The following MED13 variants were observed in gnomAD, a reference collection of about 807,000 sequenced individuals.
The protein encoded by MED13 is mediator complex subunit 13, also known as mediator of RNA polymerase II transcription subunit 13.
MED13 carries 23 observed loss-of-function variants against 225.2 expected under a neutral mutation model. That is an observed-to-expected ratio of 0.10 (90% CI 0.07 to 0.14). MED13 has a LOEUF of 0.14. Ranked by LOEUF, MED13 falls within the 10% of genes least tolerant of loss-of-function variation. The pLI, the probability that MED13 is intolerant of heterozygous loss-of-function variation, is 1.00. For synonymous variants in MED13, 942 were observed against 889.2 expected (o/e 1.06, Z -1.06); for missense variants, 2,197 against 2,594.5 (o/e 0.85, Z 3.33).
intron 5 of MED13, 94 bp from the exon 6 acceptor site, chr17:62,031,732 A>C: frequency 3.2e-6 from 2 of 616,262 alleles, no homozygotes; most frequent in Non-Finnish European, 4.9e-6. Context: ...AGTAGGTATC[A>C]CATTTATACA....
intron 9 of MED13, chr17:62,006,462 T>C (rs2080449866): frequency 6.6e-6 from 1 of 152,198 alleles, no homozygotes; most frequent in Admixed American, 6.5e-5. Flanking sequence ...TAGGAATGGT[T>C]GCCTTCCCTT....
chr17:61,973,808 C>G (rs1313092645), intron 16 of MED13, among the ~76,000 whole-genome samples: 2 of 151,958 alleles, frequency 1.3e-5, no homozygotes, highest in Non-Finnish European at 2.9e-5. Context: ...ACAGTGAAAC[C>G]CTGTCTCTAC....
chr17:61,975,678 C>T (rs2080149064), intron 16 of MED13, among the ~76,000 whole-genome samples: 1 of 151,952 alleles, frequency 6.6e-6, no homozygotes, highest in African/African-American at 2.4e-5. Flanking sequence ...AAGATCGTAC[C>T]CCACTGCACT....
At position 62,032,041 on chromosome 17, in the gene MED13, C is replaced by CT. The variant is rs2080762027; in HGVS notation, c.815-404dup. 2.6e-5 allele frequency among the ~76,000 whole-genome samples: 4 copies of CT among 151,912 alleles called. No individual in the cohort carries two copies. In the South Asian group the frequency reaches 8.3e-4, roughly 32 times the overall value. Reference sequence around the variant, plus strand: ...AGAATTATGAACCATTTTCTACTTACTTTTCTATATGCCTCTATTTTAAAA... The same window carrying CT: ...AGAATTATGAACCATTTTCTACTTACTTTTTCTATATGCCTCTATTTTAAAA... On this transcript the variant is annotated intron_variant, in intron 5 of 29. Transcript: ENST00000397786.
chr17:61,957,516 A>G (rs2079957506), intron 23 of MED13, among the ~76,000 whole-genome samples: 1 of 151,424 alleles, frequency 6.6e-6, no homozygotes, highest in Non-Finnish European at 1.5e-5. Flanking sequence ...CACCCGGCTA[A>G]TTTTTGTATT....
At chr17:61,947,597 G>A (rs903860715) in intron 28 of MED13, among the ~76,000 whole-genome samples, 17 of 152,144 alleles carry the variant, frequency 1.1e-4, no homozygotes, top group African/African-American at 3.6e-4. Context: ...ACAGGAATAA[G>A]CATAAGCAAA....
chr17:62,058,632 A>C (rs909450150), intron 2 of MED13, among the ~76,000 whole-genome samples: 1 of 152,150 alleles, frequency 6.6e-6, no homozygotes, highest in Admixed American at 6.5e-5. Context: ...GATTCAACTA[A>C]TCATTATCCT....
chr17:62,038,717 G>A (rs1380501380), intron 3 of MED13, among the ~76,000 whole-genome samples: 1 of 152,102 alleles, frequency 6.6e-6, no homozygotes, highest in South Asian at 2.1e-4. Flanking sequence ...TCACTGGAGT[G>A]CAGTGATACA....
intron 4 of MED13, 57 bp downstream of exon 4, chr17:62,035,406 G>A (rs540163322): frequency 1.4e-6 from 2 of 1,383,242 alleles, no homozygotes; most frequent in African/African-American, 1.5e-5. Context: ...AAATTATGAA[G>A]TCAAATAAGG....
rs755335674 is a variant in MED13 at position 62,062,600 on chromosome 17, C to A, written c.301+467G>T. On this transcript the variant is annotated intron_variant, in intron 2 of 29. Coordinates refer to ENST00000397786, the MANE Select transcript of MED13 (RefSeq NM_005121.3). ...TAAAACACACACACACACACACACA[C>A]CACACACACACACACACACACACAC... 1.2e-3 allele frequency among the ~76,000 whole-genome samples: 169 copies of A among 136,292 alleles called. 1 individual carries two copies. Among genetic ancestry groups the A allele is most frequent in the African/African-American group, 1.5e-3 (49 of 33,602 alleles). 89.4% of individuals were successfully genotyped at this position (136,292 alleles called of 152,430 possible).
intron 3 of MED13, among the ~76,000 whole-genome samples, chr17:62,047,510 C>A (rs1415573552): frequency 6.6e-6 from 1 of 152,044 alleles, no homozygotes; most frequent in Non-Finnish European, 1.5e-5. Context: ...ACAGTGAGAA[C>A]ACATGGACAC....
At chr17:62,009,169 A>G (rs2080482914) in intron 9 of MED13, among the ~76,000 whole-genome samples, 1 of 152,180 alleles carries the variant, frequency 6.6e-6, no homozygotes, top group Non-Finnish European at 1.5e-5. Flanking sequence ...GTTGATTTTC[A>G]CCTTTTAGAA....
Position 61,966,556 on chromosome 17 carries a change from C to T in MED13, c.4287G>A (p.Lys1429=), listed in dbSNP as rs1178939458. 1 of 1,613,958 alleles carries T rather than the reference C, an allele frequency of 6.2e-7. No homozygotes were observed. The highest frequency in any genetic ancestry group is 1.7e-5 in the Admixed American group (1 of 60,002). Residue 1429 remains lysine, a synonymous_variant, in exon 19 of 30, where the codon AAG becomes AAA. Coordinates refer to ENST00000397786, the MANE Select transcript of MED13 (RefSeq NM_005121.3). The part of the protein sequence containing the change: ...GSTASKKLSE[K]LVAEWFSQAA... ...CCTGAGAAAACCATTCTGCTACCAA[C>T]TTTTCTGATAGTTTCTTTGATGCAG...
chr17:61,954,459 T>C (rs1292331215), intron 26 of MED13, among the ~76,000 whole-genome samples: 1 of 152,176 alleles, frequency 6.6e-6, no homozygotes, highest in Non-Finnish European at 1.5e-5. Flanking sequence ...ACAAATATTT[T>C]GTGACCAACT....
intron 23 of MED13, 54 bp from the exon 24 acceptor site, chr17:61,956,535 T>C: frequency 6.5e-7 from 1 of 1,546,608 alleles, no homozygotes; most frequent in Non-Finnish European, 8.8e-7. Context: ...TATATGATTT[T>C]GCTGTTGTTG....
chr17:61,966,168 G>C (rs569187399), intron 19 of MED13, among the ~76,000 whole-genome samples: 22 of 152,282 alleles, frequency 1.4e-4, no homozygotes, highest in African/African-American at 5.1e-4. Flanking sequence ...AGACCCTACA[G>C]AGGCAACAGA....
At chr17:61,970,791 G>T (rs2080101580) in intron 17 of MED13, among the ~76,000 whole-genome samples, 1 of 147,864 alleles carries the variant, frequency 6.8e-6, no homozygotes, top group Middle Eastern at 3.2e-3. Flanking sequence ...TTGGGAGGGT[G>T]AGTTGGGCAG....
Position 62,008,016 on chromosome 17 carries a change from C to CAAAAAAAAAAAAAAAAAA in MED13, c.1967+2516_1967+2533dup, listed in dbSNP as rs60236710. Among the ~76,000 whole-genome samples, 65 of 50,504 alleles carry CAAAAAAAAAAAAAAAAAA rather than the reference C, an allele frequency of 1.3e-3. 6 individuals are homozygous for CAAAAAAAAAAAAAAAAAA. The highest frequency in any genetic ancestry group is 4.2e-3 in the African/African-American group (62 of 14,692). The allele number at this position is 50,504 out of a possible 152,430, so 33.1% of individuals were successfully genotyped here. On this transcript the variant is annotated intron_variant, in intron 9 of 29. Coordinates refer to ENST00000397786, the MANE Select transcript of MED13 (RefSeq NM_005121.3). Reference sequence around the variant, plus strand: ...CCTGGAGGAAAGAGCGAGACTGTCTCAAAAAAAAAAAAAAAAAAAAGCTGT... The same window carrying CAAAAAAAAAAAAAAAAAA: ...CCTGGAGGAAAGAGCGAGACTGTCTCAAAAAAAAAAAAAAAAAAAAAAAAAAAAAAAAAAAAAAGCTGT...
chr17:62,029,575 C>G lies in MED13; in HGVS notation c.1249G>C (p.Glu417Gln), dbSNP rs1199995033. The G allele has an allele frequency of 6.2e-7, 1 of 1,614,142 alleles. No individual in the cohort carries two copies. The highest frequency in any genetic ancestry group is 8.5e-7 in the Non-Finnish European group (1 of 1,180,012). The change falls in exon 8 of 30, where the codon GAA (glutamate) becomes CAA (glutamine). Residue 417 changes from glutamate (E) to glutamine (Q), a missense_variant. By Grantham distance (29) the Glu-to-Gln change is conservative. Coordinates refer to ENST00000397786, the MANE Select transcript of MED13 (RefSeq NM_005121.3). ...CTGCAATTTGTTCTTTGTGTGGCTTCAACAAAATCCCAGGATGCCACTTTA... is the reference window on the plus strand; with the variant it reads ...CTGCAATTTGTTCTTTGTGTGGCTTGAACAAAATCCCAGGATGCCACTTTA... ...AAKVASWDFV[E>Q]ATQRTNCSCL...
Sources: allele counts gnomAD v4.1 joint callset (sites outside exome capture counted in the v4.1 genomes callset), GRCh38; gene constraint gnomAD v4.1.1; transcripts MANE v1.5; gene names NCBI Gene and HGNC (gene_info 2026-07-23, HGNC 2026-07-21).